Variants in CDYL observed in about 807,000 individuals in gnomAD.
The protein encoded by CDYL is chromodomain Y like.
A neutral mutation model predicts 47.3 loss-of-function variants in CDYL; 8 were observed. That is an observed-to-expected ratio of 0.17 (90% CI 0.10 to 0.31). The LOEUF (loss-of-function observed/expected upper bound fraction) is 0.31. Among genes scored for constraint, CDYL ranks in the 10% least tolerant of loss-of-function variants. CDYL has a pLI of 1.00. For synonymous variants in CDYL, 266 were observed against 265.0 expected (o/e 1.00, Z -0.04); for missense variants, 471 against 701.4 (o/e 0.67, Z 3.71).
At chr6:4,747,244 T>G (rs1757914443) in intron 3 of CDYL, among the ~76,000 whole-genome samples, 1 of 150,714 alleles carries the variant, frequency 6.6e-6, no homozygotes, top group Non-Finnish European at 1.5e-5. Flanking sequence ...GAGGCAGAGG[T>G]TGCAGTGAGC....
chr6:4,848,393 T>G (rs11967088), intron 1 of CDYL, among the ~76,000 whole-genome samples: 15,556 of 152,222 alleles, frequency 0.1, 2,652 homozygotes, highest in African/African-American at 0.36. Context: ...AATTACCTAT[T>G]ATGTCCTTTC....
chr6:4,721,339 C>T (rs185886056), intron 2 of CDYL, among the ~76,000 whole-genome samples: 98 of 151,782 alleles, frequency 6.5e-4, no homozygotes, highest in African/African-American at 2.3e-3. Flanking sequence ...TGTGTGCTGC[C>T]GAAGAGAGCA....
In CDYL at chr6:4,820,757, C is replaced by A. The variant is rs185472779; in HGVS notation, c.24+43950C>A. On this transcript the variant is annotated intron_variant, in intron 1 of 6. Transcript: ENST00000397588. ...ATTGGAAGTGATGCCCACAAGATGACTGAGATACCTTAATTGCAGGTGTGG... is the reference window on the plus strand; with the variant it reads ...ATTGGAAGTGATGCCCACAAGATGAATGAGATACCTTAATTGCAGGTGTGG... 1.8e-3 allele frequency among the ~76,000 whole-genome samples: 269 copies of A among 152,302 alleles called. 1 individual carries two copies. The highest frequency in any genetic ancestry group is 5.9e-3 in the African/African-American group (244 of 41,564).
At chr6:4,796,509 C>T (rs1759075906) in intron 1 of CDYL, among the ~76,000 whole-genome samples, 1 of 152,060 alleles carries the variant, frequency 6.6e-6, no homozygotes, top group Admixed American at 6.5e-5. Flanking sequence ...AATTAACTGG[C>T]ACAAATGAGT....
At chr6:4,770,767 A>G (rs1169535805) in intron 3 of CDYL, among the ~76,000 whole-genome samples, 9 of 152,222 alleles carry the variant, frequency 5.9e-5, no homozygotes. Flanking sequence ...GTGTACTACA[A>G]AAAAGGAATC....
intron 2 of CDYL, among the ~76,000 whole-genome samples, chr6:4,899,449 A>G (rs1756950532): frequency 6.6e-6 from 1 of 152,232 alleles, no homozygotes; most frequent in South Asian, 2.1e-4. Flanking sequence ...AATTGCGGAG[A>G]AGTTCCTAGA....
At chr6:4,821,948 TTTTC>T (rs972596718) in intron 1 of CDYL, among the ~76,000 whole-genome samples, 1 of 152,148 alleles carries the variant, frequency 6.6e-6, no homozygotes, top group Non-Finnish European at 1.5e-5. Context: ...ATGGTTACTT[TTTTC>T]TTTAAGTAAA....
chr6:4,795,294 T>A (rs1437574089), intron 1 of CDYL, among the ~76,000 whole-genome samples: 1 of 152,230 alleles, frequency 6.6e-6, no homozygotes, highest in Non-Finnish European at 1.5e-5. Context: ...TCCTTACATT[T>A]CTGGGATAAA....
chr6:4,727,757 G>C (rs904093084), intron 2 of CDYL, among the ~76,000 whole-genome samples: 1 of 152,118 alleles, frequency 6.6e-6, no homozygotes, highest in Non-Finnish European at 1.5e-5. Flanking sequence ...AAAATACAGT[G>C]TCATGTTTGC....
chr6:4,809,143 T>TTTTTTTTGC, intron 1 of CDYL, among the ~76,000 whole-genome samples: 1 of 152,202 alleles, frequency 6.6e-6, no homozygotes, highest in Non-Finnish European at 1.5e-5. Context: ...AACAGATACA[T>TTTTTTTTGC]ATGTATTTTA....
chr6:4,827,732 T>TTC (rs1356395395), intron 1 of CDYL, among the ~76,000 whole-genome samples: 1 of 152,210 alleles, frequency 6.6e-6, no homozygotes, highest in Non-Finnish European at 1.5e-5. Context: ...CTCGGCTCAC[T>TTC]GAAACCTCTG....
intron 1 of CDYL, among the ~76,000 whole-genome samples, chr6:4,876,545 C>T (rs1289007233): frequency 6.6e-6 from 1 of 152,092 alleles, no homozygotes; most frequent in Non-Finnish European, 1.5e-5. Context: ...TATTGTGCTT[C>T]TAATTTGCAT....
chr6:4,893,848 C>T lies in CDYL; in HGVS notation c.691+1469C>T, dbSNP rs543008295. On this transcript the variant is annotated intron_variant, in intron 2 of 6. Coordinates refer to ENST00000397588, the MANE Select transcript of CDYL (RefSeq NM_004824.4). Reference sequence around the variant, plus strand: ...GAAGTGTTCACTAAGACATTCTAACCGTCCTGCTTTGGTGCATTCAACAGG... The same window carrying T: ...GAAGTGTTCACTAAGACATTCTAACTGTCCTGCTTTGGTGCATTCAACAGG... Among the ~76,000 whole-genome samples the T allele has an allele frequency of 5.3e-5, 8 of 152,356 alleles. No homozygotes were observed. In the South Asian group the frequency reaches 1.0e-3, roughly 20 times the overall value.
chr6:4,792,367 A>G (rs1259885411), intron 1 of CDYL, among the ~76,000 whole-genome samples: 1 of 151,674 alleles, frequency 6.6e-6, no homozygotes, highest in Non-Finnish European at 1.5e-5. Context: ...TCAATAATAC[A>G]TTTATGTTTC....
At chr6:4,824,852 T>C (rs1375747690) in intron 1 of CDYL, among the ~76,000 whole-genome samples, 2 of 152,034 alleles carry the variant, frequency 1.3e-5, no homozygotes, top group Non-Finnish European at 2.9e-5. Context: ...AGCTTTTCCG[T>C]TTCTGCAAAA....
intron 2 of CDYL, among the ~76,000 whole-genome samples, chr6:4,932,023 C>T (rs929815166): frequency 6.6e-6 from 1 of 152,152 alleles, no homozygotes; most frequent in Admixed American, 6.5e-5. Flanking sequence ...ACCAGGAAAA[C>T]TGCTGGGAGA....
intron 2 of CDYL, among the ~76,000 whole-genome samples, chr6:4,719,286 A>C (rs1400951335): frequency 6.6e-6 from 1 of 152,198 alleles, no homozygotes. Flanking sequence ...ACTCTTGTGC[A>C]TGTATCTGGG....
intron 1 of CDYL, among the ~76,000 whole-genome samples, chr6:4,881,086 CTG>C (rs372473489): frequency 2.6e-5 from 4 of 151,860 alleles, no homozygotes; most frequent in Admixed American, 2.6e-4. Flanking sequence ...TACTTGGGTT[CTG>C]TGTGTGTGTG....
chr6:4,710,517 C>G (rs1465223832), intron 1 of CDYL, among the ~76,000 whole-genome samples: 1 of 148,540 alleles, frequency 6.7e-6, no homozygotes, highest in Non-Finnish European at 1.5e-5. Context: ...CTTTTTTGGT[C>G]CCTTTTAATT....
Sources: gnomAD v4.1 joint callset for allele counts (sites outside exome capture counted in the v4.1 genomes callset) on GRCh38, gnomAD v4.1.1 for gene constraint, MANE v1.5 for transcripts, NCBI Gene and HGNC (gene_info 2026-07-23, HGNC 2026-07-21) for gene names.